Variants in ANTXR1 observed in about 807,000 individuals in gnomAD.
The protein encoded by ANTXR1 is anthrax toxin receptor 1.
Under a neutral mutation model 78.1 loss-of-function variants are expected in ANTXR1, and 19 were observed. The ratio of observed to expected loss-of-function variants is 0.24; its 90% CI spans 0.17 to 0.36. The LOEUF (loss-of-function observed/expected upper bound fraction) is 0.36. Among genes scored for constraint, ANTXR1 ranks in the 10% least tolerant of loss-of-function variants. The pLI, the probability that ANTXR1 is intolerant of heterozygous loss-of-function variation, is 1.00. For missense variants in ANTXR1, 518 were observed against 718.6 expected (o/e 0.72, Z 3.19); for synonymous variants, 273 against 260.5 (o/e 1.05, Z -0.46).
intron 10 of ANTXR1, among the ~76,000 whole-genome samples, chr2:69,113,795 TATCCTC>T (rs1373486293): frequency 6.6e-6 from 1 of 152,240 alleles, no homozygotes; most frequent in Non-Finnish European, 1.5e-5. Context: ...AATCCTGAAT[TATCCTC>T]TACCAAGTGA....
intron 17 of ANTXR1, among the ~76,000 whole-genome samples, chr2:69,196,379 GAT>G: frequency 6.6e-6 from 1 of 152,182 alleles, no homozygotes; most frequent in East Asian, 1.9e-4. Context: ...GAGAGAAATC[GAT>G]ACAGAAAATT....
At chr2:69,107,804 T>C (rs1369911690) in intron 10 of ANTXR1, among the ~76,000 whole-genome samples, 1 of 152,080 alleles carries the variant, frequency 6.6e-6, no homozygotes, top group East Asian at 1.9e-4. Context: ...TCATTATCTG[T>C]TCCTAATTTT....
At chr2:69,232,602 A>C (rs1345556929) in intron 17 of ANTXR1, among the ~76,000 whole-genome samples, 1 of 152,132 alleles carries the variant, frequency 6.6e-6, no homozygotes, top group Non-Finnish European at 1.5e-5. Context: ...CCTAGAAAAT[A>C]ATGACAATTG....
chr2:69,092,526 T>G (rs1419563693), intron 9 of ANTXR1, among the ~76,000 whole-genome samples: 1 of 152,228 alleles, frequency 6.6e-6, no homozygotes, highest in Admixed American at 6.5e-5. Flanking sequence ...TAACTAACTA[T>G]TCAGAAATAT....
At chr2:69,172,201 T>C (rs1306831686) in intron 14 of ANTXR1, among the ~76,000 whole-genome samples, 4 of 152,188 alleles carry the variant, frequency 2.6e-5, no homozygotes, top group Non-Finnish European at 4.4e-5. Context: ...AAATATGACG[T>C]CAGAAATAAA....
intron 13 of ANTXR1, among the ~76,000 whole-genome samples, chr2:69,167,731 G>A (rs943204271): frequency 6.6e-6 from 1 of 152,204 alleles, no homozygotes; most frequent in Non-Finnish European, 1.5e-5. Context: ...AGACCAGGTT[G>A]GAGGTGCTTA....
chr2:69,096,212 C>T (rs1156934236), intron 9 of ANTXR1, among the ~76,000 whole-genome samples: 1 of 150,218 alleles, frequency 6.7e-6, no homozygotes, highest in African/African-American at 2.5e-5. Context: ...GAGCCGAGAT[C>T]ATGTCACTGC....
intron 3 of ANTXR1, among the ~76,000 whole-genome samples, chr2:69,056,754 A>C (rs987636308): frequency 2.6e-4 from 39 of 152,132 alleles, no homozygotes; most frequent in African/African-American, 8.7e-4. Flanking sequence ...GCTCACTACA[A>C]CTTCCGCCTC....
At chr2:69,056,658 T>A (rs902058570) in intron 3 of ANTXR1, among the ~76,000 whole-genome samples, 2 of 152,130 alleles carry the variant, frequency 1.3e-5, no homozygotes, top group Non-Finnish European at 2.9e-5. Context: ...ATAATATATA[T>A]TCATATTAAA....
intron 9 of ANTXR1, among the ~76,000 whole-genome samples, chr2:69,093,003 T>C (rs1297191650): frequency 6.6e-6 from 1 of 152,244 alleles, no homozygotes; most frequent in African/African-American, 2.4e-5. Flanking sequence ...AGCAGTCTAA[T>C]TGGCTGTGTT....
At chr2:69,239,531 TCA>T (rs1315199253) in intron 17 of ANTXR1, among the ~76,000 whole-genome samples, 8 of 152,160 alleles carry the variant, frequency 5.3e-5, no homozygotes, top group Admixed American at 2.0e-4. Flanking sequence ...GAGATCACTC[TCA>T]CAGAGTGAGA....
rs148030823 is a variant in ANTXR1, at chr2:69,107,127, C to T, written c.802+4187C>T. Among the ~76,000 whole-genome samples, 428 of 151,366 alleles carry T rather than the reference C, an allele frequency of 2.8e-3. 1 individual carries two copies. The highest frequency in any genetic ancestry group is 9.8e-3 in the African/African-American group (405 of 41,214). On this transcript the variant is annotated intron_variant, in intron 10 of 17. Transcript: ENST00000303714. ...GAGGAAATTTCATCCCCCCCCCGAA[C>T]GAAAGCACCACATCCAGATTTTTTT...
At chr2:69,138,378 A>G (rs953648527) in intron 12 of ANTXR1, among the ~76,000 whole-genome samples, 6 of 152,224 alleles carry the variant, frequency 3.9e-5, no homozygotes, top group African/African-American at 1.4e-4. Flanking sequence ...GCTTACAGTC[A>G]TACTGCACTA....
At chr2:69,134,790 C>T (rs1163416063) in intron 12 of ANTXR1, among the ~76,000 whole-genome samples, 2 of 152,134 alleles carry the variant, frequency 1.3e-5, no homozygotes, top group African/African-American at 2.4e-5. Context: ...ATATTTCAGA[C>T]CAGAGTACTT....
At chr2:69,181,924 CT>C in intron 15 of ANTXR1, 43 bp downstream of exon 15, 3 of 1,598,536 alleles carry the variant, frequency 1.9e-6, no homozygotes, top group Non-Finnish European at 2.6e-6. Flanking sequence ...GTGCTGACTA[CT>C]CCCATCGAGG....
In ANTXR1 at chr2:69,013,193, A is replaced by G. The variant is rs1436371465; in HGVS notation, c.-307A>G. ...GAACCGTCGGGACGGAACTCCTTCC[A>G]TTGCAAAAGCTCGGCGCGGCCTCGG... is the stretch of plus-strand genomic sequence containing the variant. On this transcript the variant is annotated 5_prime_UTR_variant, in exon 1 of 18. Transcript: ENST00000303714. The surrounding 1 kb of genome is among the most constrained non-coding windows in gnomAD (Gnocchi z 5.0). 3.5e-6 allele frequency: 1 copy of G among 285,634 alleles called. No individual in the cohort carries two copies. The highest frequency in any genetic ancestry group is 5.2e-5 in the Admixed American group (1 of 19,110). The allele number at this position is 285,634 out of a possible 1,614,324, so 17.7% of individuals were successfully genotyped here.
At chr2:69,197,363 A>G (rs1295717493) in intron 17 of ANTXR1, among the ~76,000 whole-genome samples, 1 of 152,194 alleles carries the variant, frequency 6.6e-6, no homozygotes, top group Non-Finnish European at 1.5e-5. Flanking sequence ...GGGAAAACCC[A>G]GAATCCTTAG....
intron 1 of ANTXR1, among the ~76,000 whole-genome samples, chr2:69,032,585 C>T (rs750248812): frequency 6.6e-6 from 1 of 152,064 alleles, no homozygotes; most frequent in East Asian, 1.9e-4. Context: ...GTGAATCTGG[C>T]GAGTGTGAGG....
At chr2:69,014,647 C>G (rs1390773480) in intron 1 of ANTXR1, among the ~76,000 whole-genome samples, 1 of 152,182 alleles carries the variant, frequency 6.6e-6, no homozygotes, top group Non-Finnish European at 1.5e-5. Context: ...CACAGAAGAT[C>G]CGTGCTCATT....
Sources: gnomAD v4.1 joint callset for allele counts (sites outside exome capture counted in the v4.1 genomes callset) on GRCh38, gnomAD v4.1.1 for gene constraint, Gnocchi (gnomAD v3.1) non-coding constraint, MANE v1.5 for transcripts, NCBI Gene and HGNC (gene_info 2026-07-23, HGNC 2026-07-21) for gene names.